PIK3R4: variants seen among roughly 807,000 people sequenced by gnomAD.
PIK3R4 encodes phosphoinositide-3-kinase regulatory subunit 4.
A neutral mutation model predicts 136.5 loss-of-function variants in PIK3R4; 46 were observed. The observed-to-expected ratio is 0.34, with a 90% CI of 0.27 to 0.43. The LOEUF is 0.43. Among genes scored for constraint, PIK3R4 ranks in the 20% least tolerant of loss-of-function variants. PIK3R4 has a pLI of 1.00. For missense variants in PIK3R4, 1,331 were observed against 1,649.5 expected (o/e 0.81, Z 3.35); for synonymous variants, 557 against 566.7 (o/e 0.98, Z 0.24).
chr3:130,727,941 C>CA (rs960746006), intron 6 of PIK3R4, among the ~76,000 whole-genome samples: 80 of 147,708 alleles, frequency 5.4e-4, no homozygotes, highest in African/African-American at 1.7e-3. Flanking sequence ...GAAAGAACAG[C>CA]AAAAAAAAAA....
At chr3:130,712,599 C>T (rs995028417) in intron 9 of PIK3R4, among the ~76,000 whole-genome samples, 2 of 144,186 alleles carry the variant, frequency 1.4e-5, no homozygotes, top group African/African-American at 2.6e-5. Context: ...AACCGGGAGG[C>T]GGAGGTTGTG....
Position 130,744,571 on chromosome 3 carries a change from T to C in PIK3R4, c.648A>G (p.Arg216=). The change falls in exon 2 of 20, where the codon AGA becomes AGG. Residue 216 remains arginine, a synonymous_variant. Transcript: ENST00000356763. ...GMFATELEYM[R]DPSTPLVDLN... is the part of the protein sequence containing the mutation. ...AGTCTACAAGCGGAGTTGAAGGATC[T>C]CTCATATATTCTAACTCAGTGGCAA... 6.2e-7 allele frequency: 1 copy of C among 1,614,212 alleles called. No individual in the cohort carries two copies. The highest frequency in any genetic ancestry group is 8.5e-7 in the Non-Finnish European group (1 of 1,180,038).
At chr3:130,688,409 C>T (rs900878297) in intron 14 of PIK3R4, among the ~76,000 whole-genome samples, 1 of 152,182 alleles carries the variant, frequency 6.6e-6, no homozygotes, top group Non-Finnish European at 1.5e-5. Context: ...CTCCTTTATT[C>T]GCCATGCCCT....
chr3:130,685,806 T>C (rs1294510869), intron 15 of PIK3R4, among the ~76,000 whole-genome samples: 1 of 152,190 alleles, frequency 6.6e-6, no homozygotes, highest in Non-Finnish European at 1.5e-5. Context: ...AAGATGAAGA[T>C]AGCTGAACCT....
chr3:130,745,264 C>T lies in PIK3R4; in HGVS notation c.-46G>A, dbSNP rs753655259. ...TCTTTAGTAAGGTTAGGATATAATA[C>T]CTGTTTAAAATAAAAACAAATGAAG... On this transcript the variant is annotated splice_region_variant and 5_prime_UTR_variant, in exon 2 of 20. Transcript: ENST00000356763. The T allele has an allele frequency of 6.6e-7, 1 of 1,504,988 alleles. No individual in the cohort carries two copies. Among genetic ancestry groups the T allele is most frequent in the South Asian group, 1.3e-5 (1 of 76,742 alleles). 93.2% of individuals were successfully genotyped at this position (1,504,988 alleles called of 1,614,324 possible). A position where few individuals can be genotyped will look rare whatever the true frequency, so the allele number is the denominator to read the frequency against.
chr3:130,701,557 G>A (rs896913941), intron 13 of PIK3R4, among the ~76,000 whole-genome samples: 1 of 151,706 alleles, frequency 6.6e-6, no homozygotes, highest in Non-Finnish European at 1.5e-5. Flanking sequence ...CAAAAGAATG[G>A]TAGTAGCAGG....
chr3:130,733,446 T>A (rs544937518), intron 4 of PIK3R4, 102 bp downstream of exon 4: 4 of 727,392 alleles, frequency 5.5e-6, no homozygotes. Context: ...AAGAGCAAAG[T>A]TCATACTTGC....
chr3:130,688,670 G>T (rs536846117), intron 14 of PIK3R4, among the ~76,000 whole-genome samples: 1 of 151,168 alleles, frequency 6.6e-6, no homozygotes, highest in African/African-American at 2.4e-5. Context: ...GTTTTTTTTT[G>T]AAGCTGAGGC....
chr3:130,736,883 A>G (rs1483223381), intron 2 of PIK3R4, among the ~76,000 whole-genome samples: 2 of 152,252 alleles, frequency 1.3e-5, no homozygotes, highest in Non-Finnish European at 2.9e-5. Flanking sequence ...TGAAATGCTA[A>G]AAAGTGTAGC....
chr3:130,741,107 C>T (rs1245582174), intron 2 of PIK3R4, among the ~76,000 whole-genome samples: 1 of 152,146 alleles, frequency 6.6e-6, no homozygotes, highest in African/African-American at 2.4e-5. Context: ...TCCCCTCCTG[C>T]AAGTTCATAT....
At chr3:130,741,811 G>T (rs1576465426) in intron 2 of PIK3R4, among the ~76,000 whole-genome samples, 1 of 152,168 alleles carries the variant, frequency 6.6e-6, no homozygotes, top group Non-Finnish European at 1.5e-5. Flanking sequence ...ACAATGGCTT[G>T]CACATAATAT....
intron 1 of PIK3R4, among the ~76,000 whole-genome samples, chr3:130,745,710 A>G (rs1409122188): frequency 1.3e-5 from 2 of 152,354 alleles, no homozygotes; most frequent in East Asian, 3.9e-4. Flanking sequence ...TTTCTTGGAA[A>G]TAAGAAAGAG....
chr3:130,700,537 A>G (rs900989), intron 13 of PIK3R4, among the ~76,000 whole-genome samples: 54,355 of 152,096 alleles, frequency 0.36, 12,773 homozygotes, highest in African/African-American at 0.66. Context: ...AGTCCCAAAG[A>G]GACAAACTGA....
intron 13 of PIK3R4, among the ~76,000 whole-genome samples, chr3:130,701,532 T>A (rs533261914): frequency 2.0e-4 from 29 of 145,930 alleles, no homozygotes; most frequent in African/African-American, 6.8e-4. Flanking sequence ...AGGCTAAGAA[T>A]GGTTAGGAAA....
In PIK3R4 at chr3:130,716,641, T is replaced by C. The variant is rs757522619; in HGVS notation, c.2128-42A>G. On this transcript the variant is annotated intron_variant, in intron 8 of 19. Coordinates refer to ENST00000356763, the MANE Select transcript of PIK3R4 (RefSeq NM_014602.3). ...AAAAGGATCAGCCAAAAATATAACA[T>C]GTACAGTTATTTTCAAATTCAATAA... 2.4e-5 allele frequency: 28 copies of C among 1,186,424 alleles called. No individual in the cohort carries two copies. In the Admixed American group the frequency reaches 5.3e-4, roughly 23 times the overall value. The allele number at this position is 1,186,424 out of a possible 1,614,324, so 73.5% of individuals were successfully genotyped here.
At chr3:130,702,005 G>A (rs1004569392) in intron 13 of PIK3R4, among the ~76,000 whole-genome samples, 4 of 151,950 alleles carry the variant, frequency 2.6e-5, no homozygotes, top group Non-Finnish European at 5.9e-5. Flanking sequence ...GCTGGGTGTG[G>A]TGGCATGCGC....
chr3:130,709,025 A>C (rs1428101802), intron 9 of PIK3R4, among the ~76,000 whole-genome samples: 1 of 152,158 alleles, frequency 6.6e-6, no homozygotes, highest in Non-Finnish European at 1.5e-5. Context: ...TGCAAATGTG[A>C]GCAACAAACC....
intron 9 of PIK3R4, among the ~76,000 whole-genome samples, chr3:130,711,980 T>C (rs1378988592): frequency 1.1e-4 from 17 of 152,296 alleles, no homozygotes; most frequent in African/African-American, 3.4e-4. Context: ...AGGAGTGAAA[T>C]CATTTTGTAT....
intron 6 of PIK3R4, among the ~76,000 whole-genome samples, chr3:130,724,725 A>G (rs927346528): frequency 1.3e-5 from 2 of 152,078 alleles, no homozygotes; most frequent in Non-Finnish European, 2.9e-5. Context: ...ACAACAAACC[A>G]AAAACTAAAG....
Sources: allele counts gnomAD v4.1 joint callset (sites outside exome capture counted in the v4.1 genomes callset), GRCh38; gene constraint gnomAD v4.1.1; transcripts MANE v1.5; gene names NCBI Gene and HGNC (gene_info 2026-07-23, HGNC 2026-07-21).